Variants in KIF20B observed in about 807,000 individuals in gnomAD.
KIF20B encodes kinesin-like protein KIF20B.
Under a neutral mutation model 232.5 loss-of-function variants are expected in KIF20B, and 188 were observed. The observed-to-expected ratio is 0.81, with a 90% CI of 0.72 to 0.91. The LOEUF (loss-of-function observed/expected upper bound fraction) is 0.91, where lower values mean the gene tolerates loss of function less well. Among genes scored for constraint, KIF20B ranks in the 40% least tolerant of loss-of-function variants. The pLI, the probability that KIF20B is intolerant of heterozygous loss-of-function variation, is 0.00. For missense variants in KIF20B, 2,154 were observed against 2,055.9 expected, an observed-to-expected ratio of 1.05 and a Z score of -0.92; for synonymous variants, 712 against 683.0, an observed-to-expected ratio of 1.04 and a Z score of -0.66.
In KIF20B at chr10:89,768,864, T is replaced by C; in HGVS notation, c.5218T>C (p.Ser1740Pro). The C allele has an allele frequency of 1.3e-6, 2 of 1,595,792 alleles. No homozygotes were observed. The highest frequency in any genetic ancestry group is 1.4e-5 in the African/African-American group (1 of 73,704). ...LQKFGDFLQH[S>P]PSILQSKAKK... ...GAAATTTGGAGACTTCTTACAACAT[T>C]CTCCCTCAATTCTTCAATCAAAAGG... The change falls in exon 31 of 33, where the codon TCT (serine) becomes CCT (proline). Residue 1740 changes from serine (S) to proline (P), a missense_variant. Ser to Pro is a moderately conservative substitution (Grantham distance 74, BLOSUM62 -1). Coordinates refer to ENST00000371728, the MANE Select transcript of KIF20B (RefSeq NM_001284259.2).
intron 26 of KIF20B, among the ~76,000 whole-genome samples, chr10:89,757,040 G>GTATGTGTATA (rs1554852904): frequency 1.8e-5 from 2 of 110,748 alleles, no homozygotes; most frequent in Non-Finnish European, 3.7e-5. Flanking sequence ...GTGTGTGTGT[G>GTATGTGTATA]TATATATATA....
chr10:89,742,862 G>A (rs914648540), intron 21 of KIF20B, among the ~76,000 whole-genome samples: 1 of 151,936 alleles, frequency 6.6e-6, no homozygotes, highest in Non-Finnish European at 1.5e-5. Context: ...ACCATGCCCG[G>A]CTAATGTTTT....
intron 15 of KIF20B, 132 bp downstream of exon 15, chr10:89,725,290 T>A (rs986548779): frequency 2.4e-6 from 2 of 830,292 alleles, no homozygotes; most frequent in Non-Finnish European, 1.8e-6. Context: ...TTTATTATAA[T>A]TAGGCATGTT....
chr10:89,726,518 A>G lies in KIF20B; in HGVS notation c.2227A>G (p.Asn743Asp), dbSNP rs763900980. The change falls in exon 16 of 33, where the codon AAT becomes GAT. Residue 743 changes from asparagine to aspartate, a missense_variant. By Grantham distance (23) the Asn-to-Asp change is conservative. Coordinates refer to ENST00000371728, the MANE Select transcript of KIF20B (RefSeq NM_001284259.2). ...CAAAGAAGAGTTAAAAAAGAGAGAA[A>G]ATGGTAAGTGGATACATTTTACTTT... is the stretch of plus-strand genomic sequence containing the variant. ...KTKEELKKRENESDSLIQELE... is the reference protein window; with the variant it reads ...KTKEELKKREDESDSLIQELE... The G allele has an allele frequency of 1.3e-6, 2 of 1,581,350 alleles. No homozygotes were observed. Among genetic ancestry groups the G allele is most frequent in the Non-Finnish European group, 8.6e-7 (1 of 1,161,518 alleles).
At position 89,742,064 on chromosome 10, in the gene KIF20B, A is replaced by C. The variant is rs140314728; in HGVS notation, c.3916-1744A>C. ...CTTAACTTAATAAATAAAGAAAAAA[A>C]ATTGTAATCTGAGGTTGCTAAGATC... On this transcript the variant is annotated intron_variant, in intron 21 of 32. Transcript: ENST00000371728. Among the ~76,000 whole-genome samples the C allele has an allele frequency of 3.0e-3, 459 of 152,294 alleles. 3 individuals are homozygous for C. Among genetic ancestry groups the C allele is most frequent in the African/African-American group, 0.01 (429 of 41,554 alleles).
chr10:89,754,816 G>T, intron 26 of KIF20B, 143 bp downstream of exon 26: 1 of 531,992 alleles, frequency 1.9e-6, no homozygotes, highest in Non-Finnish European at 3.2e-6. Flanking sequence ...TAACTTCTGA[G>T]CCAATTTATC....
intron 23 of KIF20B, among the ~76,000 whole-genome samples, chr10:89,750,817 T>G (rs1842006938): frequency 6.6e-6 from 1 of 152,072 alleles, no homozygotes; most frequent in African/African-American, 2.4e-5. Context: ...TGGTTTTAAA[T>G]AAAAATTTAA....
At position 89,772,764 on chromosome 10, in the gene KIF20B, CA is replaced by C; in HGVS notation, c.5322del (p.Lys1774AsnfsTer22). The stretch of plus-strand genomic sequence containing the variant: ...GCAAGTAAAGAAAATGTGTCTCAAC[CA>C]AAACGAGCCAAACGGAAATTATACA... ...VEASKENVSQ[P>X]KRAKRKLYTS... On this transcript the variant is annotated frameshift_variant, in exon 32 of 33. Coordinates refer to ENST00000371728, the MANE Select transcript of KIF20B (RefSeq NM_001284259.2). LOFTEE classifies it high-confidence loss of function. The C allele has an allele frequency of 1.2e-6, 2 of 1,610,214 alleles. No homozygotes were observed. Among genetic ancestry groups the C allele is most frequent in the Non-Finnish European group, 1.7e-6 (2 of 1,177,684 alleles).
intron 21 of KIF20B, 119 bp downstream of exon 21, chr10:89,739,215 T>TAAGA: frequency 8.9e-7 from 1 of 1,127,302 alleles, no homozygotes; most frequent in Non-Finnish European, 1.2e-6. Context: ...TAATTTTTCT[T>TAAGA]AAAATTACAA....
chr10:89,765,908 G>A (rs1025194573), intron 29 of KIF20B, among the ~76,000 whole-genome samples: 3 of 152,024 alleles, frequency 2.0e-5, no homozygotes, highest in South Asian at 2.1e-4. Flanking sequence ...TGGGTAACCC[G>A]ACCTTTCTCT....
In KIF20B at chr10:89,754,587, G is replaced by A. The variant is rs764140726; in HGVS notation, c.4417G>A (p.Ala1473Thr). The A allele has an allele frequency of 1.2e-6, 2 of 1,606,754 alleles. No individual in the cohort carries two copies. Among genetic ancestry groups the A allele is most frequent in the Non-Finnish European group, 1.7e-6 (2 of 1,176,422 alleles). Reference protein sequence around the residue: ...LEEKMMLITQAKEAENIRNKE... With the variant: ...LEEKMMLITQTKEAENIRNKE... ...AGAAAAAATGATGCTTATCACTCAA[G>A]CGAAAGAAGCAGAGAATATACGAAA... Residue 1473 changes from alanine (A) to threonine (T), a missense_variant, in exon 26 of 33, where the codon GCG (alanine) becomes ACG (threonine). Coordinates refer to ENST00000371728, the MANE Select transcript of KIF20B (RefSeq NM_001284259.2).
rs1438480302 is a variant in KIF20B at position 89,712,724 on chromosome 10, C to A, written c.676-1323C>A. ...GGTATTGTTTTATATAAGGTGGTAC[C>A]ATATAAACTTTTAAAAATGAAGTTA... On this transcript the variant is annotated intron_variant, in intron 6 of 32. Coordinates refer to ENST00000371728, the MANE Select transcript of KIF20B (RefSeq NM_001284259.2). Among the ~76,000 whole-genome samples, 4 of 151,952 alleles carry A rather than the reference C, an allele frequency of 2.6e-5. No homozygotes were observed. In the South Asian group the frequency reaches 8.3e-4, roughly 32 times the overall value.
At chr10:89,736,661 T>A (rs1180414149) in intron 19 of KIF20B, among the ~76,000 whole-genome samples, 1 of 152,176 alleles carries the variant, frequency 6.6e-6, no homozygotes, top group Admixed American at 6.5e-5. Context: ...GGCAAACTTT[T>A]ATGCATTTTC....
chr10:89,709,068 C>A, intron 2 of KIF20B, 99 bp from the exon 3 acceptor site: 1 of 781,672 alleles, frequency 1.3e-6, no homozygotes, highest in Non-Finnish European at 2.2e-6. Context: ...TCTTTATCAT[C>A]TCAGATTATT....
chr10:89,714,072 A>T lies in KIF20B; in HGVS notation c.701A>T (p.Asp234Val). The T allele has an allele frequency of 1.4e-6, 2 of 1,456,120 alleles. No individual in the cohort carries two copies. The highest frequency in any genetic ancestry group is 1.8e-6 in the Non-Finnish European group (2 of 1,081,246). The allele number at this position is 1,456,120 out of a possible 1,614,324, so 90.2% of individuals were successfully genotyped here. ...GTTACTGTGCATAATGATAGTGATG[A>T]TACTCTTTATGGTAAGGTTTCGTTG... ...KEVTVHNDSD[D>V]TLYGSLTNSL... Residue 234 changes from aspartate to valine, a missense_variant, in exon 7 of 33, where the codon GAT becomes GTT. Physicochemically the swap from Asp to Val is radical, Grantham distance 152. Coordinates refer to ENST00000371728, the MANE Select transcript of KIF20B (RefSeq NM_001284259.2).
Position 89,730,146 on chromosome 10 carries a change from C to T in KIF20B, c.2391+899C>T, listed in dbSNP as rs376051023. ...AAATGAGGAGCATTCTAGAAGAGCA[C>T]TCTGTCTAATCTCCTATAGTAGGCC... On this transcript the variant is annotated intron_variant, in intron 18 of 32. Transcript: ENST00000371728. Among the ~76,000 whole-genome samples, 33 of 152,246 alleles carry T rather than the reference C, an allele frequency of 2.2e-4. No individual in the cohort carries two copies. In the East Asian group the frequency reaches 6.2e-3, roughly 28 times the overall value.
chr10:89,750,333 G>A lies in KIF20B; in HGVS notation c.4097-1013G>A, dbSNP rs560214682. On this transcript the variant is annotated intron_variant, in intron 23 of 32. Coordinates refer to ENST00000371728, the MANE Select transcript of KIF20B (RefSeq NM_001284259.2). ...TTAATTGTGTAATATGAATATATTT[G>A]AAAATCATGCTTTTTGAAAGAGATT... 4.6e-5 allele frequency among the ~76,000 whole-genome samples: 7 copies of A among 152,218 alleles called. No homozygotes were observed. The East Asian group carries it at 1.3e-3, about 29-fold the overall frequency.
At chr10:89,751,237 TA>T in intron 23 of KIF20B, 108 bp from the exon 24 acceptor site, 1 of 871,314 alleles carries the variant, frequency 1.1e-6, no homozygotes, top group Non-Finnish European at 1.7e-6. Flanking sequence ...TATATGGAAC[TA>T]ATATTCTATT....
Position 89,752,626 on chromosome 10 carries a change from A to G in KIF20B, c.4282A>G (p.Asn1428Asp). The change falls in exon 25 of 33, where the codon AAT becomes GAT. Residue 1428 changes from asparagine (N) to aspartate (D), a missense_variant. Transcript: ENST00000371728. ...DLETKNNQRSNKEHENNTDVL... is the reference protein window; with the variant it reads ...DLETKNNQRSDKEHENNTDVL... ...GGAAACCAAAAACAATCAAAGGTCAAATAAAGAACATGAGAACAACACAGA... is the reference window on the plus strand; with the variant it reads ...GGAAACCAAAAACAATCAAAGGTCAGATAAAGAACATGAGAACAACACAGA... The G allele has an allele frequency of 6.2e-7, 1 of 1,607,096 alleles. No homozygotes were observed. Among genetic ancestry groups the G allele is most frequent in the Non-Finnish European group, 8.5e-7 (1 of 1,176,582 alleles).
Sources: gnomAD v4.1 joint callset for allele counts (sites outside exome capture counted in the v4.1 genomes callset) on GRCh38, gnomAD v4.1.1 for gene constraint, MANE v1.5 for transcripts, NCBI Gene and HGNC (gene_info 2026-07-23, HGNC 2026-07-21) for gene names.